LRRC37A2: variants seen among roughly 807,000 people sequenced by gnomAD.
LRRC37A2 encodes the protein leucine rich repeat containing 37 member A2.
In LRRC37A2, 9 loss-of-function variants were observed where a neutral mutation model predicts 68.8. The ratio of observed to expected loss-of-function variants is 0.13; its 90% CI spans 0.08 to 0.23. The LOEUF (loss-of-function observed/expected upper bound fraction) is 0.23, where lower values mean the gene tolerates loss of function less well. LRRC37A2 is among the 10% of genes least tolerant of loss of function. LRRC37A2 has a pLI of 1.00. For missense variants in LRRC37A2, 168 were observed against 950.4 expected, an observed-to-expected ratio of 0.18 and a Z score of 10.82; for synonymous variants, 63 against 367.6, an observed-to-expected ratio of 0.17 and a Z score of 9.48.
the LRRC37A2 span, among the ~76,000 whole-genome samples, chr17:46,907,693 A>AAAAAAAC: frequency 7.4e-6 from 1 of 135,554 alleles, no homozygotes; most frequent in Non-Finnish European, 1.6e-5. Context: ...AAAAAACAAA[A>AAAAAAAC]AACCCAAAAT....
the LRRC37A2 span, among the ~76,000 whole-genome samples, chr17:46,888,375 C>T: frequency 1.3e-5 from 2 of 152,104 alleles, no homozygotes; most frequent in Non-Finnish European, 2.9e-5. Context: ...ACAGGATGTG[C>T]TTACTGTATG....
chr17:46,756,037 ATGC>A, the LRRC37A2 span: 1 of 540,932 alleles, frequency 1.8e-6, no homozygotes, highest in Non-Finnish European at 3.3e-6. Context: ...TTGGTTTAGA[ATGC>A]TGCGCTTACC....
At chr17:46,756,129 G>A in the LRRC37A2 span, 2 of 282,666 alleles carry the variant, frequency 7.1e-6, no homozygotes, top group East Asian at 1.1e-4. Flanking sequence ...GACACTACAC[G>A]TTTCAACCTC....
chr17:46,905,079 C>CT, the LRRC37A2 span, among the ~76,000 whole-genome samples: 396 of 146,990 alleles, frequency 2.7e-3, 1 homozygote, highest in African/African-American at 7.4e-3. Context: ...CTTTTTTTTT[C>CT]TTTTTTTTTT....
At chr17:46,755,180 G>C in the LRRC37A2 span, 1 of 666,322 alleles carries the variant, frequency 1.5e-6, no homozygotes, top group East Asian at 2.7e-5. Context: ...TGCTGGTCAA[G>C]GAGCAGGTAA....
At chr17:46,777,519 A>G in the LRRC37A2 span, among the ~76,000 whole-genome samples, 3 of 152,254 alleles carry the variant, frequency 2.0e-5, no homozygotes, top group African/African-American at 4.8e-5. Flanking sequence ...CATCTCCAGG[A>G]AGAAGGTGCC....
At chr17:46,800,626 T>C in the LRRC37A2 span, among the ~76,000 whole-genome samples, 1 of 152,172 alleles carries the variant, frequency 6.6e-6, no homozygotes, top group Non-Finnish European at 1.5e-5. Flanking sequence ...ACAGAGGCAA[T>C]GAGAATCCAG....
At chr17:46,882,498 C>T in the LRRC37A2 span, among the ~76,000 whole-genome samples, 4 of 151,730 alleles carry the variant, frequency 2.6e-5, no homozygotes, top group East Asian at 5.8e-4. Context: ...TGCAGTGGTG[C>T]GATCTCGGCT....
chr17:46,769,219 G>A, the LRRC37A2 span, among the ~76,000 whole-genome samples: 5 of 151,538 alleles, frequency 3.3e-5, no homozygotes, highest in Non-Finnish European at 7.4e-5. Flanking sequence ...GGGAGGTTGA[G>A]GCCGGAGAAT....
chr17:47,042,969 CCT>C, the LRRC37A2 span, among the ~76,000 whole-genome samples: 1 of 149,512 alleles, frequency 6.7e-6, no homozygotes, highest in South Asian at 2.1e-4. Context: ...AGTTATATAA[CCT>C]CTCTGTGCCT....
the LRRC37A2 span, among the ~76,000 whole-genome samples, chr17:47,036,655 T>G: frequency 6.6e-6 from 1 of 151,072 alleles, no homozygotes; most frequent in Non-Finnish European, 1.5e-5. Flanking sequence ...TCCATAAATG[T>G]GAGGGTTTAT....
At chr17:47,000,002 A>AT in the LRRC37A2 span, among the ~76,000 whole-genome samples, 45 of 9,218 alleles carry the variant, frequency 4.9e-3, 1 homozygote, top group African/African-American at 6.8e-3. Flanking sequence ...CCATCTCAAA[A>AT]TAAAATAAAA....
chr17:47,020,503 G>C, the LRRC37A2 span, among the ~76,000 whole-genome samples: 1 of 151,184 alleles, frequency 6.6e-6, no homozygotes, highest in African/African-American at 2.4e-5. Flanking sequence ...GAAGAGGCTG[G>C]GTGTGGTGGC....
At chr17:46,495,909 G>T in the LRRC37A2 span, among the ~76,000 whole-genome samples, 1 of 118,104 alleles carries the variant, frequency 8.5e-6, no homozygotes, top group Non-Finnish European at 1.8e-5. Context: ...TACTCGTTAT[G>T]ATGAATTAAA....
the LRRC37A2 span, among the ~76,000 whole-genome samples, chr17:46,847,442 G>T: frequency 6.6e-6 from 1 of 152,220 alleles, no homozygotes; most frequent in African/African-American, 2.4e-5. Context: ...GTGCAATGTT[G>T]CAAGGGCATT....
the LRRC37A2 span, chr17:46,773,960 A>C: frequency 6.3e-7 from 1 of 1,592,230 alleles, no homozygotes; most frequent in Non-Finnish European, 8.5e-7. Context: ...CACAGAGCCC[A>C]TCCTGGGCAC....
At chr17:46,549,185 G>A (rs2056543361) in exon 10 of LRRC37A2, 2 of 1,611,322 alleles carry the variant, frequency 1.2e-6, no homozygotes, top group East Asian at 2.2e-5. Flanking sequence ...GCAGCGAAGA[G>A]CCTCATAAAT....
the LRRC37A2 span, chr17:46,833,223 G>A: frequency 4.9e-6 from 2 of 410,226 alleles, no homozygotes; most frequent in Admixed American, 2.6e-5. Flanking sequence ...AGCAGCATGT[G>A]CGTGGAAGCT....
chr17:46,909,288 C>T, the LRRC37A2 span, among the ~76,000 whole-genome samples: 339 of 152,306 alleles, frequency 2.2e-3, no homozygotes, highest in Non-Finnish European at 3.6e-3. Context: ...GCATTCGCTT[C>T]CCAAAGTGCC....
Sources: allele counts gnomAD v4.1 joint callset (sites outside exome capture counted in the v4.1 genomes callset), GRCh38; gene constraint gnomAD v4.1.1; transcripts MANE v1.5; gene names NCBI Gene and HGNC (gene_info 2026-07-23, HGNC 2026-07-21).